PCDH15: variants seen among roughly 807,000 people sequenced by gnomAD.
PCDH15 encodes the protein protocadherin related 15, also known as protocadherin-15.
Under a neutral mutation model 178.5 loss-of-function variants are expected in PCDH15, and 129 were observed. That is an observed-to-expected ratio of 0.72 (90% CI 0.63 to 0.84). PCDH15 has a LOEUF of 0.84. Ranked by LOEUF, PCDH15 falls within the 40% of genes least tolerant of loss-of-function variation. The probability of loss-of-function intolerance (pLI) is 0.00; values close to 1 mark genes in which losing one functional copy is unlikely to be tolerated. For synonymous variants in PCDH15, 800 were observed against 732.0 expected, an observed-to-expected ratio of 1.09 and a Z score of -1.50; for missense variants, 2,230 against 2,099.9, an observed-to-expected ratio of 1.06 and a Z score of -1.21.
chr10:54,176,554 A>T (rs2047461590), intron 13 of PCDH15, among the ~76,000 whole-genome samples: 1 of 152,208 alleles, frequency 6.6e-6, no homozygotes, highest in Admixed American at 6.5e-5. Context: ...TCTCGGATTC[A>T]TAACATGAAG....
chr10:53,883,665 C>A (rs936506790), intron 26 of PCDH15, among the ~76,000 whole-genome samples: 6 of 152,158 alleles, frequency 3.9e-5, no homozygotes, highest in African/African-American at 1.4e-4. Flanking sequence ...CCAGAGAACA[C>A]CAACATTACC....
chr10:53,981,615 T>C (rs796709749), intron 21 of PCDH15, among the ~76,000 whole-genome samples: 1 of 150,848 alleles, frequency 6.6e-6, no homozygotes, highest in Non-Finnish European at 1.5e-5. Flanking sequence ...TGGCTAGCCA[T>C]ATGTAGAAAG....
In PCDH15 at chr10:53,927,247, G is replaced by A. The variant is rs543123161; in HGVS notation, c.3373+11568C>T. Among the ~76,000 whole-genome samples the A allele has an allele frequency of 7.9e-5, 12 of 152,124 alleles. No homozygotes were observed. The South Asian group carries it at 2.5e-3, about 32-fold the overall frequency. ...AACCTTTACCAATCCATGTAATGTT[G>A]TCAAAGATAATAAGTAATATCTAAT... On this transcript the variant is annotated intron_variant, in intron 25 of 37. Coordinates refer to ENST00000644397, the MANE Select transcript of PCDH15 (RefSeq NM_001384140.1).
intron 1 of PCDH15, among the ~76,000 whole-genome samples, chr10:55,265,533 G>A (rs1385933065): frequency 2.6e-5 from 4 of 152,000 alleles, no homozygotes; most frequent in African/African-American, 9.7e-5. Flanking sequence ...ATCAGGGAAG[G>A]GGGCAAATAT....
Position 54,317,413 on chromosome 10 carries a change from C to G in PCDH15, c.734G>C (p.Arg245Pro). 6.2e-7 allele frequency: 1 copy of G among 1,613,778 alleles called. No homozygotes were observed. Among genetic ancestry groups the G allele is most frequent in the Non-Finnish European group, 8.5e-7 (1 of 1,179,878 alleles). The change falls in exon 8 of 38, where the codon CGA becomes CCA. Residue 245 changes from arginine (R) to proline (P), a missense_variant. Arg to Pro is a moderately radical substitution (Grantham distance 103). Transcript: ENST00000644397. ...CACTGTGAGAGTGGTGGTGGTGGTT[C>G]GCCTCTCATTCAGATTTTGGGCACG... ...NDRAQNLNERRTTTTTLTVDV... is the reference protein window; with the variant it reads ...NDRAQNLNERPTTTTTLTVDV...
rs546445021 is a variant in PCDH15 at position 54,544,245 on chromosome 10, T to C, written c.92-16368A>G. Among the ~76,000 whole-genome samples, 4 of 151,992 alleles carry C rather than the reference T, an allele frequency of 2.6e-5. No individual in the cohort carries two copies. The East Asian group carries it at 7.7e-4, about 29-fold the overall frequency. On this transcript the variant is annotated intron_variant, in intron 2 of 37. Coordinates refer to ENST00000644397, the MANE Select transcript of PCDH15 (RefSeq NM_001384140.1). ...TACAAATGAATTACTTCAAGGAAAA[T>C]GAGCTAGGATAACAGTTTTTATATT...
At chr10:55,581,600 G>A (rs1049454911) in intron 2 of PCDH15, among the ~76,000 whole-genome samples, 5 of 151,772 alleles carry the variant, frequency 3.3e-5, no homozygotes, top group East Asian at 1.9e-4. Flanking sequence ...CCAAAAATAC[G>A]TGAAATGATT....
intron 2 of PCDH15, among the ~76,000 whole-genome samples, chr10:55,376,829 G>C (rs1281911025): frequency 6.6e-6 from 1 of 151,940 alleles, no homozygotes; most frequent in Non-Finnish European, 1.5e-5. Context: ...TTCTTCATCA[G>C]AAATTGTGGC....
chr10:53,852,592 C>T (rs114765953), intron 28 of PCDH15, among the ~76,000 whole-genome samples: 1 of 152,018 alleles, frequency 6.6e-6, no homozygotes, highest in Admixed American at 6.6e-5. Context: ...TTTCCAGGTA[C>T]TGCGGTCTTA....
rs140382202 is a variant in PCDH15 at position 54,769,516 on chromosome 10, C to G, written c.-29+31409G>C. ...TGCAAACTCACCAAATTAGTGTGTG[C>G]GTCACCAAGATAGACCATATTTTCT... On this transcript the variant is annotated intron_variant, in intron 1 of 37. Coordinates refer to ENST00000644397, the MANE Select transcript of PCDH15 (RefSeq NM_001384140.1). Among the ~76,000 whole-genome samples, 46 of 151,074 alleles carry G rather than the reference C, an allele frequency of 3.0e-4. No individual in the cohort carries two copies. In the East Asian group the frequency reaches 8.0e-3, roughly 26 times the overall value.
chr10:54,086,547 G>A (rs1412276808), intron 16 of PCDH15, among the ~76,000 whole-genome samples: 3 of 152,144 alleles, frequency 2.0e-5, no homozygotes, highest in Non-Finnish European at 4.4e-5. Context: ...TTTCAAAGAA[G>A]GTGGCAGTTG....
intron 3 of PCDH15, among the ~76,000 whole-genome samples, chr10:54,891,234 G>A (rs577224362): frequency 7.2e-5 from 11 of 152,116 alleles, no homozygotes; most frequent in Non-Finnish European, 1.6e-4. Context: ...GGAAAAGATT[G>A]GAATATCTTT....
At chr10:55,100,734 T>C (rs1842557810) in intron 2 of PCDH15, among the ~76,000 whole-genome samples, 1 of 152,132 alleles carries the variant, frequency 6.6e-6, no homozygotes, top group Non-Finnish European at 1.5e-5. Context: ...AATCTATTCA[T>C]GAGGGGTCAA....
intron 3 of PCDH15, among the ~76,000 whole-genome samples, chr10:54,390,073 T>A (rs1377963055): frequency 6.6e-6 from 1 of 152,218 alleles, no homozygotes; most frequent in Non-Finnish European, 1.5e-5. Context: ...TATTGAGACT[T>A]GGTTTCAGTT....
At chr10:54,598,356 A>C (rs2092345000) in intron 2 of PCDH15, among the ~76,000 whole-genome samples, 1 of 152,180 alleles carries the variant, frequency 6.6e-6, no homozygotes, top group African/African-American at 2.4e-5. Flanking sequence ...TAAAATAAAG[A>C]GAACTAAAGA....
Position 55,265,472 on chromosome 10 carries a change from A to C in PCDH15, c.-156+54127T>G, listed in dbSNP as rs370881137. The stretch of plus-strand genomic sequence containing the variant: ...CCTGATGGACAATGAGAAGCAGTAC[A>C]CTCTGCAAGCAGCAGAGAGATTTGG... On this transcript the variant is annotated intron_variant, in intron 1 of 5. Transcript: ENST00000458638. Among the ~76,000 whole-genome samples, 45 of 152,044 alleles carry C rather than the reference A, an allele frequency of 3.0e-4. No homozygotes were observed. The East Asian group carries it at 8.0e-3, about 27-fold the overall frequency.
intron 18 of PCDH15, among the ~76,000 whole-genome samples, chr10:54,031,799 T>C (rs556111509): frequency 6.6e-6 from 1 of 152,234 alleles, no homozygotes; most frequent in East Asian, 1.9e-4. Context: ...AAAAGAGTTG[T>C]TGTCATGTTC....
intron 2 of PCDH15, among the ~76,000 whole-genome samples, chr10:54,983,244 C>A (rs759534100): frequency 6.6e-6 from 1 of 152,040 alleles, no homozygotes; most frequent in African/African-American, 2.4e-5. Context: ...GTACTTGTCA[C>A]CTTAGCATAA....
intron 2 of PCDH15, among the ~76,000 whole-genome samples, chr10:55,554,155 G>T (rs1842046657): frequency 6.6e-6 from 1 of 151,952 alleles, no homozygotes. Flanking sequence ...TAATAATTCT[G>T]AAGCAATATT....
Sources: gnomAD v4.1 joint callset for allele counts (sites outside exome capture counted in the v4.1 genomes callset) on GRCh38, gnomAD v4.1.1 for gene constraint, MANE v1.5 for transcripts, NCBI Gene and HGNC (gene_info 2026-07-23, HGNC 2026-07-21) for gene names.